The following ATP11B variants were observed in gnomAD, a reference collection of about 807,000 sequenced individuals.
ATP11B encodes the protein ATPase phospholipid transporting 11B (putative), also known as phospholipid-transporting ATPase IF.
ATP11B carries 81 observed loss-of-function variants against 157.8 expected under a neutral mutation model. The ratio of observed to expected loss-of-function variants is 0.51; its 90% CI spans 0.43 to 0.62. The LOEUF is 0.62. Ranked by LOEUF, ATP11B falls within the 20% of genes least tolerant of loss-of-function variation. The pLI is 0.00. For missense variants in ATP11B, 1,165 were observed against 1,402.2 expected (o/e 0.83, Z 2.70); for synonymous variants, 451 against 469.4 (o/e 0.96, Z 0.51).
At chr3:182,896,193 A>C (rs1169517998) in intron 25 of ATP11B, among the ~76,000 whole-genome samples, 1 of 152,168 alleles carries the variant, frequency 6.6e-6, no homozygotes, top group Non-Finnish European at 1.5e-5. Flanking sequence ...TTTACATGGA[A>C]TCCTTTGAGG....
At chr3:182,797,128 A>G (rs1014429753) in intron 1 of ATP11B, among the ~76,000 whole-genome samples, 3 of 152,200 alleles carry the variant, frequency 2.0e-5, no homozygotes, top group African/African-American at 7.2e-5. Flanking sequence ...CCAAGATAAC[A>G]ATTCCACTTA....
At chr3:182,799,286 T>C (rs929380403) in intron 1 of ATP11B, among the ~76,000 whole-genome samples, 70 of 150,894 alleles carry the variant, frequency 4.6e-4, no homozygotes, top group Non-Finnish European at 4.7e-4. Flanking sequence ...TCTTTCTTTT[T>C]TTTTTTTTTT....
chr3:182,888,379 G>A (rs994129621), intron 24 of ATP11B, among the ~76,000 whole-genome samples: 1 of 152,114 alleles, frequency 6.6e-6, no homozygotes, highest in Non-Finnish European at 1.5e-5. Flanking sequence ...AGGGAAGTTA[G>A]GAGCATCAGT....
chr3:182,920,261 T>G lies in ATP11B; in HGVS notation c.*2157T>G, dbSNP rs1400790195. The G allele has an allele frequency of 6.6e-6, 1 of 152,204 alleles. No homozygotes were observed. Among genetic ancestry groups the G allele is most frequent in the Non-Finnish European group, 1.5e-5 (1 of 68,032 alleles). 9.4% of individuals were successfully genotyped at this position (152,204 alleles called of 1,614,324 possible). A position where few individuals can be genotyped will look rare whatever the true frequency, so the allele number is the denominator to read the frequency against. On this transcript the variant is annotated 3_prime_UTR_variant, in exon 30 of 30. Coordinates refer to ENST00000323116, the MANE Select transcript of ATP11B (RefSeq NM_014616.3). ...TTGAAGTTAGTTAAGGAGAACTTTA[T>G]TTTTTTAAAAAAAGTAAATGGCAAC...
chr3:182,859,155 T>C lies in ATP11B; in HGVS notation c.1003-7T>C, dbSNP rs1350728342. ...TTCTTTTCAAACAATTATTTCCTTT[T>C]TTCTAGATTCTGAGATTTATTTCAG... On this transcript the variant is annotated splice_polypyrimidine_tract_variant and splice_region_variant and intron_variant, in intron 11 of 29. Transcript: ENST00000323116. The C allele has an allele frequency of 1.3e-6, 2 of 1,586,428 alleles. No individual in the cohort carries two copies. The highest frequency in any genetic ancestry group is 1.8e-5 in the Admixed American group (1 of 57,028).
intron 10 of ATP11B, among the ~76,000 whole-genome samples, chr3:182,850,178 A>G (rs908853971): frequency 6.6e-6 from 1 of 152,210 alleles, no homozygotes; most frequent in Non-Finnish European, 1.5e-5. Context: ...CACCATATAA[A>G]TAATCAACTC....
At chr3:182,858,147 G>T in intron 11 of ATP11B, 119 bp downstream of exon 11, 1 of 871,622 alleles carries the variant, frequency 1.1e-6, no homozygotes. Flanking sequence ...TGGTACTGAA[G>T]GGTGACAGAA....
chr3:182,894,802 G>A (rs73883931), intron 25 of ATP11B, among the ~76,000 whole-genome samples: 2,110 of 151,820 alleles, frequency 0.014, 48 homozygotes, highest in African/African-American at 0.049. Flanking sequence ...CCACTTCCAG[G>A]CCCAGGTCCC....
chr3:182,857,428 T>C (rs1720488740), intron 10 of ATP11B, among the ~76,000 whole-genome samples: 1 of 152,088 alleles, frequency 6.6e-6, no homozygotes, highest in Non-Finnish European at 1.5e-5. Context: ...ATTACAGGCG[T>C]AGTGAGCCAC....
At chr3:182,890,773 A>G (rs1311780916) in intron 25 of ATP11B, among the ~76,000 whole-genome samples, 1 of 152,206 alleles carries the variant, frequency 6.6e-6, no homozygotes, top group Non-Finnish European at 1.5e-5. Flanking sequence ...ATAACTCTGT[A>G]TGAGAAAAAT....
intron 2 of ATP11B, 108 bp downstream of exon 2, chr3:182,820,484 G>C: frequency 1.3e-6 from 1 of 751,716 alleles, no homozygotes; most frequent in Non-Finnish European, 2.3e-6. Flanking sequence ...AGGAGTTTGC[G>C]ACCAGTGTGG....
chr3:182,895,112 CAAAA>C (rs368282275), intron 25 of ATP11B, among the ~76,000 whole-genome samples: 17 of 68,266 alleles, frequency 2.5e-4, no homozygotes, highest in East Asian at 8.3e-4. Flanking sequence ...GACCCTGACT[CAAAA>C]AAAAAAAAAA....
chr3:182,860,868 T>G (rs938359796), intron 12 of ATP11B, among the ~76,000 whole-genome samples: 4 of 152,164 alleles, frequency 2.6e-5, no homozygotes, highest in African/African-American at 9.7e-5. Flanking sequence ...TCCCCGAGGA[T>G]ATTAATGACA....
chr3:182,859,923 A>G (rs1720704663), intron 12 of ATP11B, among the ~76,000 whole-genome samples: 1 of 149,778 alleles, frequency 6.7e-6, no homozygotes, highest in Non-Finnish European at 1.5e-5. Flanking sequence ...GTAATCTAGA[A>G]GTTCCTTTCT....
intron 1 of ATP11B, among the ~76,000 whole-genome samples, chr3:182,803,378 T>C (rs1716131466): frequency 6.6e-6 from 1 of 152,250 alleles, no homozygotes. Context: ...TAGTTTGGCC[T>C]TTCCTAATTC....
At position 182,912,281 on chromosome 3, in the gene ATP11B, G is replaced by T. The variant is rs1458962113; in HGVS notation, c.3319-1580G>T. Among the ~76,000 whole-genome samples the T allele has an allele frequency of 2.0e-5, 3 of 152,106 alleles. No individual in the cohort carries two copies. The East Asian group carries it at 5.8e-4, about 29-fold the overall frequency. ...GCTTAATATTTGCTGGTTGGTGGGT[G>T]GGGGTGTATGGTTTCTCCCACTAAG... is the stretch of plus-strand genomic sequence containing the variant. On this transcript the variant is annotated intron_variant, in intron 28 of 29. Transcript: ENST00000323116.
chr3:182,873,049 G>C (rs538236446), intron 18 of ATP11B, among the ~76,000 whole-genome samples: 1 of 152,226 alleles, frequency 6.6e-6, no homozygotes, highest in East Asian at 1.9e-4. Context: ...CACCTAAGAG[G>C]ATTAAAAATT....
chr3:182,837,018 T>C, intron 6 of ATP11B, 53 bp from the exon 7 acceptor site: 2 of 1,306,902 alleles, frequency 1.5e-6, no homozygotes, highest in Non-Finnish European at 2.2e-6. Flanking sequence ...TAACTGATAT[T>C]GAAGGTCGCA....
intron 1 of ATP11B, among the ~76,000 whole-genome samples, chr3:182,807,141 A>G (rs1004267913): frequency 2.0e-5 from 3 of 152,224 alleles, no homozygotes; most frequent in African/African-American, 7.2e-5. Flanking sequence ...TGTCACAGCC[A>G]GGACTTGAAC....
Sources: gnomAD v4.1 joint callset for allele counts (sites outside exome capture counted in the v4.1 genomes callset) on GRCh38, gnomAD v4.1.1 for gene constraint, MANE v1.5 for transcripts, NCBI Gene and HGNC (gene_info 2026-07-23, HGNC 2026-07-21) for gene names.